Variants in NKAIN2 observed in about 807,000 individuals in gnomAD.
The protein encoded by NKAIN2 is sodium/potassium transporting ATPase interacting 2, also known as sodium/potassium-transporting ATPase subunit beta-1-interacting protein 2.
A neutral mutation model predicts 32.6 loss-of-function variants in NKAIN2; 14 were observed. That is an observed-to-expected ratio of 0.43 (90% CI 0.28 to 0.67). NKAIN2 has a LOEUF of 0.67. Among genes scored for constraint, NKAIN2 ranks in the 30% least tolerant of loss-of-function variants. The probability of loss-of-function intolerance (pLI) is 0.17; values close to 1 mark genes in which losing one functional copy is unlikely to be tolerated. For missense variants in NKAIN2, 198 were observed against 258.3 expected (o/e 0.77, Z 1.60); for synonymous variants, 80 against 87.2 (o/e 0.92, Z 0.46).
intron 3 of NKAIN2, among the ~76,000 whole-genome samples, chr6:124,587,236 CCT>C (rs1171500674): frequency 6.6e-6 from 1 of 152,016 alleles, no homozygotes; most frequent in Non-Finnish European, 1.5e-5. Context: ...GATCCAAACT[CCT>C]CTTTTTTTTT....
At chr6:124,458,477 A>G (rs1776406374) in intron 3 of NKAIN2, among the ~76,000 whole-genome samples, 1 of 151,900 alleles carries the variant, frequency 6.6e-6, no homozygotes, top group Non-Finnish European at 1.5e-5. Flanking sequence ...GGATCTGTAT[A>G]TCATTAACTG....
At chr6:124,756,868 A>G (rs1217925186) in intron 4 of NKAIN2, among the ~76,000 whole-genome samples, 1 of 152,028 alleles carries the variant, frequency 6.6e-6, no homozygotes. Context: ...TATTTCTTTA[A>G]TCTGCAAAAC....
chr6:124,706,552 G>A (rs543796852), intron 4 of NKAIN2, among the ~76,000 whole-genome samples: 7 of 152,044 alleles, frequency 4.6e-5, no homozygotes, highest in Non-Finnish European at 7.4e-5. Flanking sequence ...AGAAAATCTA[G>A]AAAATTTAGA....
intron 1 of NKAIN2, among the ~76,000 whole-genome samples, chr6:124,087,830 T>G (rs1784252333): frequency 6.6e-6 from 1 of 151,926 alleles, no homozygotes; most frequent in South Asian, 2.1e-4. Context: ...CATACTTCCT[T>G]TGGGGGAAAA....
At chr6:124,191,911 G>A (rs1427793831) in intron 1 of NKAIN2, among the ~76,000 whole-genome samples, 10 of 146,638 alleles carry the variant, frequency 6.8e-5, no homozygotes, top group African/African-American at 2.7e-4. Flanking sequence ...GTCTAAAGAT[G>A]TTGGTAATAT....
intron 1 of NKAIN2, among the ~76,000 whole-genome samples, chr6:123,891,959 T>C (rs934320329): frequency 3.9e-5 from 6 of 152,212 alleles, no homozygotes; most frequent in African/African-American, 1.2e-4. Flanking sequence ...AACCTAGTTA[T>C]GCTTTTATCT....
chr6:124,654,074 TCACA>T (rs1170969726), intron 3 of NKAIN2, among the ~76,000 whole-genome samples: 1 of 152,140 alleles, frequency 6.6e-6, no homozygotes, highest in African/African-American at 2.4e-5. Flanking sequence ...AAATGTTACT[TCACA>T]CATTTCATAC....
chr6:124,476,108 G>A (rs139139864), intron 3 of NKAIN2, among the ~76,000 whole-genome samples: 59 of 145,904 alleles, frequency 4.0e-4, no homozygotes, highest in East Asian at 3.2e-3. Context: ...GCGTGCGCGC[G>A]CGCATGCATG....
intron 2 of NKAIN2, among the ~76,000 whole-genome samples, chr6:124,321,438 T>C (rs1797187461): frequency 6.6e-6 from 1 of 152,184 alleles, no homozygotes; most frequent in Non-Finnish European, 1.5e-5. Flanking sequence ...CTGCACGTTC[T>C]GCACATGTAT....
chr6:123,898,383 A>G (rs147080784), intron 1 of NKAIN2, among the ~76,000 whole-genome samples: 4 of 152,298 alleles, frequency 2.6e-5, no homozygotes, highest in African/African-American at 4.8e-5. Flanking sequence ...CAGTTTGACA[A>G]TTGTGCTTTT....
At chr6:124,571,946 C>G (rs1337160450) in intron 3 of NKAIN2, among the ~76,000 whole-genome samples, 2 of 152,190 alleles carry the variant, frequency 1.3e-5, no homozygotes, top group African/African-American at 4.8e-5. Context: ...TTCCTCTCTT[C>G]TTCTCCCACT....
At chr6:124,007,599 T>A (rs1780129211) in intron 1 of NKAIN2, among the ~76,000 whole-genome samples, 1 of 152,164 alleles carries the variant, frequency 6.6e-6, no homozygotes, top group Non-Finnish European at 1.5e-5. Context: ...TTAAGGGAAC[T>A]TCTAGTTGGG....
intron 2 of NKAIN2, among the ~76,000 whole-genome samples, chr6:124,336,323 G>A (rs1797855596): frequency 6.6e-6 from 1 of 152,114 alleles, no homozygotes; most frequent in Non-Finnish European, 1.5e-5. Flanking sequence ...GGTTTAATTT[G>A]GGGTAGGCTT....
intron 1 of NKAIN2, among the ~76,000 whole-genome samples, chr6:123,823,086 C>T (rs2114893120): frequency 6.6e-6 from 1 of 152,272 alleles, no homozygotes; most frequent in African/African-American, 2.4e-5. Flanking sequence ...GTGAGGAAGA[C>T]CACCTACTAA....
chr6:123,988,280 A>C (rs2114681771), intron 1 of NKAIN2, among the ~76,000 whole-genome samples: 1 of 152,312 alleles, frequency 6.6e-6, no homozygotes, highest in East Asian at 1.9e-4. Flanking sequence ...TTCTCATACA[A>C]TTTAATTTCA....
intron 1 of NKAIN2, among the ~76,000 whole-genome samples, chr6:124,139,105 G>A (rs562070070): frequency 5.0e-4 from 8 of 15,996 alleles, no homozygotes; most frequent in Non-Finnish European, 7.6e-4. Flanking sequence ...TTTTTGAGAC[G>A]GAGTCTCGCT....
chr6:124,230,800 G>C (rs951086892), intron 1 of NKAIN2, among the ~76,000 whole-genome samples: 7 of 152,246 alleles, frequency 4.6e-5, no homozygotes, highest in Non-Finnish European at 1.0e-4. Flanking sequence ...TCAGGCAGAA[G>C]TTTGCTGCAG....
intron 2 of NKAIN2, among the ~76,000 whole-genome samples, chr6:124,297,606 T>G (rs1796112264): frequency 6.6e-6 from 1 of 152,040 alleles, no homozygotes; most frequent in Admixed American, 6.5e-5. Context: ...TAGTCAGTTC[T>G]GATGGAGAAC....
In NKAIN2 at chr6:124,759,657, C is replaced by CACACACACA. The variant is rs1562367850; in HGVS notation, c.475-31682_475-31681insACACACACA. Among the ~76,000 whole-genome samples the CACACACACA allele has an allele frequency of 7.7e-3, 578 of 75,446 alleles. 85 individuals are homozygous for CACACACACA. Among genetic ancestry groups the CACACACACA allele is most frequent in the East Asian group, 0.027 (69 of 2,534 alleles). 49.5% of individuals were successfully genotyped at this position (75,446 alleles called of 152,430 possible). A position where few individuals can be genotyped will look rare whatever the true frequency, so the allele number is the denominator to read the frequency against. On this transcript the variant is annotated intron_variant, in intron 4 of 6. Transcript: ENST00000368417. Reference sequence around the variant, plus strand: ...CACACACACACACACACACACACACCCCCTATCTCCCTTTCCTGCCTTATT... The same window carrying CACACACACA: ...CACACACACACACACACACACACACCACACACACACCCTATCTCCCTTTCCTGCCTTATT...
Sources: allele counts gnomAD v4.1 joint callset (sites outside exome capture counted in the v4.1 genomes callset), GRCh38; gene constraint gnomAD v4.1.1; transcripts MANE v1.5; gene names NCBI Gene and HGNC (gene_info 2026-07-23, HGNC 2026-07-21).